The following SLC25A21 variants were observed in gnomAD, a reference collection of about 807,000 sequenced individuals.
The protein encoded by SLC25A21 is mitochondrial 2-oxodicarboxylate carrier.
SLC25A21 carries 47 observed loss-of-function variants against 43.8 expected under a neutral mutation model. The observed-to-expected ratio is 1.07, with a 90% CI of 0.85 to 1.37. The LOEUF (loss-of-function observed/expected upper bound fraction) is 1.37, where lower values mean the gene tolerates loss of function less well. SLC25A21 is among the 40% of genes most tolerant of loss of function. The pLI is 0.00. For synonymous variants in SLC25A21, 131 were observed against 121.3 expected (o/e 1.08, Z -0.52); for missense variants, 352 against 350.2 (o/e 1.00, Z -0.04).
chr14:36,754,355 T>G (rs1011676546), intron 3 of SLC25A21, among the ~76,000 whole-genome samples: 1 of 152,178 alleles, frequency 6.6e-6, no homozygotes, highest in Non-Finnish European at 1.5e-5. Flanking sequence ...GCCTTCAGAC[T>G]GCAAACCTAC....
At chr14:36,802,497 T>C (rs2138422451) in intron 3 of SLC25A21, among the ~76,000 whole-genome samples, 1 of 152,300 alleles carries the variant, frequency 6.6e-6, no homozygotes, top group South Asian at 2.1e-4. Flanking sequence ...AAAATAAGTA[T>C]GGTTATTGTC....
chr14:37,020,810 T>G (rs1960969295), intron 1 of SLC25A21, among the ~76,000 whole-genome samples: 1 of 151,976 alleles, frequency 6.6e-6, no homozygotes, highest in Non-Finnish European at 1.5e-5. Context: ...TGATAAATTA[T>G]TACCAAATAC....
chr14:37,115,689 C>G (rs1438830436), intron 1 of SLC25A21, among the ~76,000 whole-genome samples: 1 of 152,050 alleles, frequency 6.6e-6, no homozygotes, highest in Non-Finnish European at 1.5e-5. Flanking sequence ...AGGAAATGTT[C>G]CTTAAAGAGA....
intron 2 of SLC25A21, among the ~76,000 whole-genome samples, chr14:36,852,025 A>C (rs1432276323): frequency 1.3e-5 from 2 of 152,214 alleles, no homozygotes; most frequent in African/African-American, 4.8e-5. Flanking sequence ...TTTTTAAAAT[A>C]ATATAATTAA....
intron 1 of SLC25A21, among the ~76,000 whole-genome samples, chr14:37,105,350 T>C (rs1962891087): frequency 6.6e-6 from 1 of 152,118 alleles, no homozygotes; most frequent in Non-Finnish European, 1.5e-5. Context: ...CAATCAGCAA[T>C]AACTTTAGTC....
intron 1 of SLC25A21, among the ~76,000 whole-genome samples, chr14:37,124,339 T>C (rs1963260994): frequency 6.6e-6 from 1 of 152,182 alleles, no homozygotes; most frequent in Non-Finnish European, 1.5e-5. Context: ...GGGCCTTAAA[T>C]AGTAAACAGA....
In SLC25A21 at chr14:36,808,647, C is replaced by T. The variant is rs371079151; in HGVS notation, c.203+5271G>A. 5.9e-5 allele frequency among the ~76,000 whole-genome samples: 9 copies of T among 152,018 alleles called. No homozygotes were observed. In the South Asian group the frequency reaches 1.0e-3, roughly 18 times the overall value. On this transcript the variant is annotated intron_variant, in intron 3 of 9. Coordinates refer to ENST00000331299, the MANE Select transcript of SLC25A21 (RefSeq NM_030631.4). ...AACGGAGAAACCATGGTTATACCTG[C>T]GTGGCTTTGGGTAAGTTATTTAACT...
intron 3 of SLC25A21, among the ~76,000 whole-genome samples, chr14:36,804,851 G>C (rs1207387711): frequency 2.0e-5 from 3 of 152,176 alleles, no homozygotes; most frequent in African/African-American, 7.2e-5. Context: ...ATTTGAAAAT[G>C]TTCGGTTTTA....
intron 1 of SLC25A21, among the ~76,000 whole-genome samples, chr14:37,148,212 G>C (rs997259968): frequency 1.3e-5 from 2 of 151,746 alleles, no homozygotes; most frequent in African/African-American, 4.8e-5. Flanking sequence ...CATTCAACTT[G>C]CCCGCAAATG....
At chr14:36,716,720 A>T (rs1357330705) in intron 6 of SLC25A21, among the ~76,000 whole-genome samples, 1 of 151,958 alleles carries the variant, frequency 6.6e-6, no homozygotes, top group Non-Finnish European at 1.5e-5. Flanking sequence ...CCATCTGACT[A>T]CTGACGATAC....
chr14:36,705,268 A>G (rs1218740089), intron 7 of SLC25A21, among the ~76,000 whole-genome samples: 1 of 151,802 alleles, frequency 6.6e-6, no homozygotes, highest in African/African-American at 2.4e-5. Context: ...GATGGTCTCA[A>G]TCTCCCGACC....
At chr14:36,764,036 AAAAGAAAG>A (rs759050826) in intron 3 of SLC25A21, among the ~76,000 whole-genome samples, 1 of 25,626 alleles carries the variant, frequency 3.9e-5, no homozygotes, top group African/African-American at 1.9e-4. Flanking sequence ...GAAAGAAAGA[AAAAGAAAG>A]AAAGAAAGAA....
intron 1 of SLC25A21, among the ~76,000 whole-genome samples, chr14:37,100,313 C>T (rs1962793309): frequency 1.3e-5 from 2 of 152,140 alleles, no homozygotes; most frequent in East Asian, 1.9e-4. Flanking sequence ...CCGCCTCGGC[C>T]TCCCAAAGTG....
chr14:36,857,925 A>G (rs909163661), intron 2 of SLC25A21, among the ~76,000 whole-genome samples: 3 of 152,226 alleles, frequency 2.0e-5, no homozygotes, highest in African/African-American at 7.2e-5. Flanking sequence ...TTCGGGGGGA[A>G]TATTTTTTTC....
intron 1 of SLC25A21, among the ~76,000 whole-genome samples, chr14:36,989,504 T>C (rs1266072027): frequency 9.2e-6 from 1 of 108,816 alleles, no homozygotes; most frequent in Non-Finnish European, 1.6e-5. Flanking sequence ...AACTAAATCA[T>C]TTTTTTTTTT....
intron 1 of SLC25A21, among the ~76,000 whole-genome samples, chr14:37,033,027 G>A (rs1183082351): frequency 1.3e-5 from 2 of 152,138 alleles, no homozygotes; most frequent in Non-Finnish European, 2.9e-5. Context: ...TAAGTGTACA[G>A]CTCAGTAGTG....
At chr14:37,038,864 A>G (rs1168824924) in intron 1 of SLC25A21, among the ~76,000 whole-genome samples, 1 of 152,162 alleles carries the variant, frequency 6.6e-6, no homozygotes, top group Non-Finnish European at 1.5e-5. Context: ...CCAGCCGACC[A>G]GGGTCTCCTA....
In SLC25A21 at chr14:36,909,012, G is replaced by A. The variant is rs28532837; in HGVS notation, c.71-34008C>T. ...AGGCTGTTGAATAATCCAGGCAAGA[G>A]TGTCCATAACCAGGATAGGAGGTGG... is the stretch of plus-strand genomic sequence containing the variant. On this transcript the variant is annotated intron_variant, in intron 1 of 9. Coordinates refer to ENST00000331299, the MANE Select transcript of SLC25A21 (RefSeq NM_030631.4). Among the ~76,000 whole-genome samples, 1,294 of 152,226 alleles carry A rather than the reference G, an allele frequency of 8.5e-3. 27 individuals are homozygous for A. The highest frequency in any genetic ancestry group is 0.03 in the African/African-American group (1,244 of 41,534).
At chr14:37,159,046 C>A (rs1352641066) in intron 1 of SLC25A21, among the ~76,000 whole-genome samples, 1 of 151,672 alleles carries the variant, frequency 6.6e-6, no homozygotes, top group Admixed American at 6.6e-5. Context: ...AAGATCTATA[C>A]AAGGAAAACT....
Sources: allele counts gnomAD v4.1 joint callset (sites outside exome capture counted in the v4.1 genomes callset), GRCh38; gene constraint gnomAD v4.1.1; transcripts MANE v1.5; gene names NCBI Gene and HGNC (gene_info 2026-07-23, HGNC 2026-07-21).